TMEM132D: variants seen among roughly 807,000 people sequenced by gnomAD.
The protein encoded by TMEM132D is mature OL transmembrane protein.
TMEM132D carries 21 observed loss-of-function variants against 62.3 expected under a neutral mutation model. The observed-to-expected ratio is 0.34, with a 90% CI of 0.24 to 0.49. The LOEUF (loss-of-function observed/expected upper bound fraction) is 0.49, where lower values mean the gene tolerates loss of function less well. TMEM132D is among the 20% of genes least tolerant of loss of function. The probability of loss-of-function intolerance (pLI) is 0.99; values close to 1 mark genes in which losing one functional copy is unlikely to be tolerated. For synonymous variants in TMEM132D, 621 were observed against 575.6 expected (o/e 1.08, Z -1.13); for missense variants, 1,346 against 1,402.8 (o/e 0.96, Z 0.65).
intron 1 of TMEM132D, among the ~76,000 whole-genome samples, chr12:129,842,525 G>C (rs1873230009): frequency 6.6e-6 from 1 of 151,922 alleles, no homozygotes; most frequent in South Asian, 2.1e-4. Flanking sequence ...CTGGAGTGCA[G>C]TAGTGTGATC....
intron 4 of TMEM132D, among the ~76,000 whole-genome samples, chr12:129,241,255 A>G (rs1449244488): frequency 1.3e-5 from 2 of 152,124 alleles, no homozygotes; most frequent in Non-Finnish European, 2.9e-5. Context: ...ATATTTGCAA[A>G]CTATCCATCT....
intron 1 of TMEM132D, among the ~76,000 whole-genome samples, chr12:129,782,228 T>C (rs1871139489): frequency 6.6e-6 from 1 of 152,154 alleles, no homozygotes; most frequent in Non-Finnish European, 1.5e-5. Flanking sequence ...CCAGTGAAAA[T>C]TTCCTTTGAG....
intron 1 of TMEM132D, among the ~76,000 whole-genome samples, chr12:129,831,876 C>CTTTTTTTTTTTT (rs71085576): frequency 7.4e-6 from 1 of 134,898 alleles, no homozygotes; most frequent in African/African-American, 2.8e-5. Context: ...CTTTCTTTTT[C>CTTTTTTTTTTTT]TTTTTTTTTT....
At chr12:129,345,800 G>C (rs976051269) in intron 3 of TMEM132D, among the ~76,000 whole-genome samples, 1 of 152,172 alleles carries the variant, frequency 6.6e-6, no homozygotes, top group Non-Finnish European at 1.5e-5. Flanking sequence ...CTTGATTGTG[G>C]TGGATAAGCT....
At chr12:129,680,026 T>G (rs1331524152) in intron 2 of TMEM132D, among the ~76,000 whole-genome samples, 1 of 152,196 alleles carries the variant, frequency 6.6e-6, no homozygotes, top group Non-Finnish European at 1.5e-5. Context: ...TTGCAAAACA[T>G]GTATCAACAC....
chr12:129,337,815 G>T lies in TMEM132D; in HGVS notation c.1118C>A (p.Ala373Glu), dbSNP rs749108405. ...QKKAAGSENS[A>E]DGASYEVMQI... ...CATGACCTCGTAGGAGGCGCCATCC[G>T]CACTGGAGAGAAGACACAGAGGAGA... The change falls in exon 4 of 9, where the codon GCG becomes GAG. Residue 373 changes from alanine (A) to glutamate (E), a missense_variant and splice_region_variant. By Grantham distance (107) the Ala-to-Glu change is moderately radical. Coordinates refer to ENST00000422113, the MANE Select transcript of TMEM132D (RefSeq NM_133448.3). 5.6e-6 allele frequency: 9 copies of T among 1,604,980 alleles called. No individual in the cohort carries two copies. In the African/African-American group the frequency reaches 9.4e-5, roughly 17 times the overall value.
chr12:129,237,430 T>C (rs1224928877), intron 4 of TMEM132D, among the ~76,000 whole-genome samples: 1 of 152,170 alleles, frequency 6.6e-6, no homozygotes, highest in South Asian at 2.1e-4. Context: ...TTTAGATCTA[T>C]TGTGTTGAAA....
chr12:129,195,901 C>T (rs999707579), intron 5 of TMEM132D, among the ~76,000 whole-genome samples: 3 of 152,076 alleles, frequency 2.0e-5, no homozygotes, highest in Admixed American at 1.3e-4. Flanking sequence ...CCAAGATGGG[C>T]GGGTCACTTG....
chr12:129,102,536 C>T (rs1191327267), intron 5 of TMEM132D, among the ~76,000 whole-genome samples: 2 of 151,762 alleles, frequency 1.3e-5, no homozygotes, highest in Non-Finnish European at 2.9e-5. Flanking sequence ...ACAACACACA[C>T]ACACATGCAC....
chr12:129,298,553 A>G (rs901413344), intron 4 of TMEM132D, among the ~76,000 whole-genome samples: 3 of 152,076 alleles, frequency 2.0e-5, no homozygotes, highest in African/African-American at 7.2e-5. Context: ...AAACACCAGA[A>G]CTGCTTCCTC....
intron 1 of TMEM132D, among the ~76,000 whole-genome samples, chr12:129,843,179 T>C (rs1382323610): frequency 6.6e-6 from 1 of 152,158 alleles, no homozygotes; most frequent in Non-Finnish European, 1.5e-5. Flanking sequence ...TAGAGCCCAC[T>C]TTTTGAAGGA....
intron 3 of TMEM132D, among the ~76,000 whole-genome samples, chr12:129,431,763 C>A (rs1035190370): frequency 3.9e-5 from 6 of 152,194 alleles, no homozygotes; most frequent in Non-Finnish European, 7.3e-5. Context: ...ACCTGCACAT[C>A]CTGCTCAAGT....
chr12:129,273,177 CAG>C (rs1880903237), intron 4 of TMEM132D, among the ~76,000 whole-genome samples: 2 of 151,590 alleles, frequency 1.3e-5, no homozygotes, highest in African/African-American at 4.9e-5. Context: ...GACTGGGTGA[CAG>C]AGTGAGATTC....
chr12:129,731,139 A>G (rs1370408014), intron 1 of TMEM132D, among the ~76,000 whole-genome samples: 4 of 152,026 alleles, frequency 2.6e-5, no homozygotes, highest in Non-Finnish European at 5.9e-5. Flanking sequence ...CATTCAGTCC[A>G]CGGTAGAAGG....
intron 3 of TMEM132D, among the ~76,000 whole-genome samples, chr12:129,409,548 C>A (rs1871902444): frequency 6.6e-6 from 1 of 152,170 alleles, no homozygotes. Context: ...GAGCTGAGAA[C>A]CTGGTGGGTG....
At chr12:129,113,965 G>C (rs1168679003) in intron 5 of TMEM132D, among the ~76,000 whole-genome samples, 4 of 152,114 alleles carry the variant, frequency 2.6e-5, no homozygotes, top group Non-Finnish European at 4.4e-5. Context: ...AGCAGGAGGA[G>C]ACCTCTGACC....
At chr12:129,096,380 G>C (rs900108600) in intron 5 of TMEM132D, among the ~76,000 whole-genome samples, 6 of 152,118 alleles carry the variant, frequency 3.9e-5, no homozygotes, top group Non-Finnish European at 5.9e-5. Flanking sequence ...GAAGGAGGAA[G>C]GGAAGGACCC....
At chr12:129,325,019 C>T (rs189674428) in intron 4 of TMEM132D, among the ~76,000 whole-genome samples, 1 of 152,230 alleles carries the variant, frequency 6.6e-6, no homozygotes, top group Non-Finnish European at 1.5e-5. Context: ...AGTAGAGGCA[C>T]CATCATTATC....
rs545693920 is a variant in TMEM132D at position 129,663,428 on chromosome 12, A to G, written c.968+36382T>C. On this transcript the variant is annotated intron_variant, in intron 2 of 8. Coordinates refer to ENST00000422113, the MANE Select transcript of TMEM132D (RefSeq NM_133448.3). The stretch of plus-strand genomic sequence containing the variant: ...ACTGGGATTACAGGCATGAGCCACC[A>G]TGGCTGGCCATGTCTGCCCATTTTT... Among the ~76,000 whole-genome samples the G allele has an allele frequency of 3.9e-5, 6 of 152,284 alleles. No homozygotes were observed. The South Asian group carries it at 1.2e-3, about 32-fold the overall frequency.
Sources: gnomAD v4.1 joint callset for allele counts (sites outside exome capture counted in the v4.1 genomes callset) on GRCh38, gnomAD v4.1.1 for gene constraint, MANE v1.5 for transcripts, NCBI Gene and HGNC (gene_info 2026-07-23, HGNC 2026-07-21) for gene names.